BRD3OS: variants seen among roughly 807,000 people sequenced by gnomAD.
BRD3OS encodes the protein uncharacterized protein BRD3OS.
rs1339462768 is a variant in BRD3OS at position 134,029,699 on chromosome 9, A to AT, written c.*2701dup. The stretch of plus-strand genomic sequence containing the variant: ...CTCACTATGAAAATCTGCTTTTGGG[A>AT]TTTTATTTGCATTTCCATTAGACTG... On this transcript the variant is annotated 3_prime_UTR_variant, in exon 3 of 3. Transcript: ENST00000603928. 4 of 152,146 alleles carry AT rather than the reference A, an allele frequency of 2.6e-5. No homozygotes were observed. The highest frequency in any genetic ancestry group is 9.7e-5 in the African/African-American group (4 of 41,426). The allele number at this position is 152,146 out of a possible 1,614,324, so 9.4% of individuals were successfully genotyped here. A position where few individuals can be genotyped will look rare whatever the true frequency, so the allele number is the denominator to read the frequency against.
Position 134,030,979 on chromosome 9 carries a change from G to A in BRD3OS, c.*3977G>A. 4.3e-6 allele frequency: 1 copy of A among 231,078 alleles called. No individual in the cohort carries two copies. Among genetic ancestry groups the A allele is most frequent in the Non-Finnish European group, 8.6e-6 (1 of 116,620 alleles). 14.3% of individuals were successfully genotyped at this position (231,078 alleles called of 1,614,324 possible). On this transcript the variant is annotated 3_prime_UTR_variant, in exon 3 of 3. Transcript: ENST00000603928. Reference sequence around the variant, plus strand: ...TGAATCACCGCAGCCTTCTAATACAGAAGAAACGGACGTGACTGTCACCCT... The same window carrying A: ...TGAATCACCGCAGCCTTCTAATACAAAAGAAACGGACGTGACTGTCACCCT...
Position 134,031,351 on chromosome 9 carries a change from C to T in BRD3OS, c.*4349C>T, listed in dbSNP as rs1279929159. 2 of 208,220 alleles carry T rather than the reference C, an allele frequency of 9.6e-6. No individual in the cohort carries two copies. Among genetic ancestry groups the T allele is most frequent in the Non-Finnish European group, 2.0e-5 (2 of 102,168 alleles). The allele number at this position is 208,220 out of a possible 1,614,324, so 12.9% of individuals were successfully genotyped here. Reference sequence around the variant, plus strand: ...GGAGCGCCCCCCAGCCCCAGGCACCCCCGGCTTAGGGTGTACGTATCACCC... The same window carrying T: ...GGAGCGCCCCCCAGCCCCAGGCACCTCCGGCTTAGGGTGTACGTATCACCC... On this transcript the variant is annotated 3_prime_UTR_variant, in exon 3 of 3. Coordinates refer to ENST00000603928, the MANE Select transcript of BRD3OS (RefSeq NM_001355256.2).
Position 134,028,361 on chromosome 9 carries a change from GC to G in BRD3OS, c.*1360del, listed in dbSNP as rs1843458213. On this transcript the variant is annotated 3_prime_UTR_variant, in exon 3 of 3. Transcript: ENST00000603928. ...TCTTGTATCCGCCATTTTCTTTCTTGCTCAACTGTACAGACTGGGCATTCAC... is the reference window on the plus strand; with the variant it reads ...TCTTGTATCCGCCATTTTCTTTCTTGTCAACTGTACAGACTGGGCATTCAC... 1 of 152,148 alleles carries G rather than the reference GC, an allele frequency of 6.6e-6. No individual in the cohort carries two copies. Among genetic ancestry groups the G allele is most frequent in the African/African-American group, 2.4e-5 (1 of 41,406 alleles). The allele number at this position is 152,148 out of a possible 1,614,324, so 9.4% of individuals were successfully genotyped here. A position where few individuals can be genotyped will look rare whatever the true frequency, so the allele number is the denominator to read the frequency against.
At position 134,026,514 on chromosome 9, in the gene BRD3OS, C is replaced by T. The variant is rs1843430728; in HGVS notation, c.-234C>T. On this transcript the variant is annotated 5_prime_UTR_variant, in exon 3 of 3. Transcript: ENST00000603928. The surrounding 1 kb of genome is among the most constrained non-coding windows in gnomAD (Gnocchi z 4.4). ...GCCGGGCGCCGCTCTGACCTGTGTG[C>T]GGTCCCCTGAATGGGTCTCAGGTGT... 3.0e-6 allele frequency: 1 copy of T among 337,096 alleles called. No homozygotes were observed. Among genetic ancestry groups the T allele is most frequent in the Non-Finnish European group, 5.3e-6 (1 of 187,022 alleles). 20.9% of individuals were successfully genotyped at this position (337,096 alleles called of 1,614,324 possible). A position where few individuals can be genotyped will look rare whatever the true frequency, so the allele number is the denominator to read the frequency against.
chr9:134,030,943 G>A lies in BRD3OS; in HGVS notation c.*3941G>A, dbSNP rs1843502921. On this transcript the variant is annotated 3_prime_UTR_variant, in exon 3 of 3. Coordinates refer to ENST00000603928, the MANE Select transcript of BRD3OS (RefSeq NM_001355256.2). ...GCTGCCCTACAGGTCTCAGCAGTGG[G>A]ACAATCTAATTGAATCACCGCAGCC... is the stretch of plus-strand genomic sequence containing the variant. 1 of 231,554 alleles carries A rather than the reference G, an allele frequency of 4.3e-6. No individual in the cohort carries two copies. The highest frequency in any genetic ancestry group is 8.5e-6 in the Non-Finnish European group (1 of 116,984). 14.3% of individuals were successfully genotyped at this position (231,554 alleles called of 1,614,324 possible).
rs1843466929 is a variant in BRD3OS at position 134,028,730 on chromosome 9, G to T, written c.*1728G>T. 1 of 152,286 alleles carries T rather than the reference G, an allele frequency of 6.6e-6. No homozygotes were observed. The highest frequency in any genetic ancestry group is 2.1e-4 in the South Asian group (1 of 4,832). 9.4% of individuals were successfully genotyped at this position (152,286 alleles called of 1,614,324 possible). ...CCTCTGACTCGCAGCTCTCCCGTGA[G>T]CCCACAGACGGGCACAGTGACAGCA... On this transcript the variant is annotated 3_prime_UTR_variant, in exon 3 of 3. Transcript: ENST00000603928.
At position 134,026,620 on chromosome 9, in the gene BRD3OS, AT is replaced by A. The variant is rs1564542546; in HGVS notation, c.-125del. On this transcript the variant is annotated 5_prime_UTR_variant, in exon 3 of 3. An upstream open reading frame in the 5' UTR gains an earlier in-frame stop. Coordinates refer to ENST00000603928, the MANE Select transcript of BRD3OS (RefSeq NM_001355256.2). This position sits in a 1 kb window ranked among gnomAD's most constrained non-coding sequence, Gnocchi z 4.4. ...TGCCTGCAAATGGGCGGAATTCCTA[AT>A]TTCTACCATTCAGTTAAACGAGGGA... The A allele has an allele frequency of 1.3e-5, 5 of 396,528 alleles. No individual in the cohort carries two copies. The East Asian group carries it at 1.8e-4, about 14-fold the overall frequency. The allele number at this position is 396,528 out of a possible 1,614,324, so 24.6% of individuals were successfully genotyped here.
rs1214984322 is a variant in BRD3OS, at chr9:134,031,562, CTT to C, written c.*4561_*4562del. 2.4e-5 allele frequency: 5 copies of C among 204,792 alleles called. No homozygotes were observed. The highest frequency in any genetic ancestry group is 6.9e-5 in the African/African-American group (3 of 43,678). The allele number at this position is 204,792 out of a possible 1,614,324, so 12.7% of individuals were successfully genotyped here. On this transcript the variant is annotated 3_prime_UTR_variant, in exon 3 of 3. Transcript: ENST00000603928. The stretch of plus-strand genomic sequence containing the variant: ...ATTTATATTTTTATTATAAACAAAA[CTT>C]AATTAAAAGTTTAACAAACTGGCTG...
chr9:134,028,801 ACT>A lies in BRD3OS; in HGVS notation c.*1802_*1803del, dbSNP rs1377353749. 2 of 152,238 alleles carry A rather than the reference ACT, an allele frequency of 1.3e-5. No individual in the cohort carries two copies. Among genetic ancestry groups the A allele is most frequent in the Non-Finnish European group, 2.9e-5 (2 of 68,046 alleles). The allele number at this position is 152,238 out of a possible 1,614,324, so 9.4% of individuals were successfully genotyped here. ...AACAGCATGTTCTGAATGTGCCTGT[ACT>A]CTGTTCGTGCTTCTCTTTGCAGCTG... On this transcript the variant is annotated 3_prime_UTR_variant, in exon 3 of 3. Coordinates refer to ENST00000603928, the MANE Select transcript of BRD3OS (RefSeq NM_001355256.2).
rs1009297848 is a variant in BRD3OS at position 134,028,969 on chromosome 9, C to G, written c.*1967C>G. 2 of 152,272 alleles carry G rather than the reference C, an allele frequency of 1.3e-5. No individual in the cohort carries two copies. The highest frequency in any genetic ancestry group is 2.9e-5 in the Non-Finnish European group (2 of 68,062). The allele number at this position is 152,272 out of a possible 1,614,324, so 9.4% of individuals were successfully genotyped here. ...TGCGAGAGTCCTGGCTTGTTTGCAG[C>G]CTGCAGCTGGGAGATTTGAAGTCAG... On this transcript the variant is annotated 3_prime_UTR_variant, in exon 3 of 3. Coordinates refer to ENST00000603928, the MANE Select transcript of BRD3OS (RefSeq NM_001355256.2).
rs977048514 is a variant in BRD3OS, at chr9:134,025,932, G to C, written c.-699G>C. 2 of 152,242 alleles carry C rather than the reference G, an allele frequency of 1.3e-5. No individual in the cohort carries two copies. The highest frequency in any genetic ancestry group is 1.9e-4 in the East Asian group (1 of 5,184). The allele number at this position is 152,242 out of a possible 1,614,324, so 9.4% of individuals were successfully genotyped here. ...GGGGCTGACGCCTGGCGGCGTCTCC[G>C]GGAACCCGCGCCCTTTCAAGCGCCG... is the stretch of plus-strand genomic sequence containing the variant. On this transcript the variant is annotated 5_prime_UTR_variant, in exon 2 of 3. Transcript: ENST00000603928.
At position 134,025,482 on chromosome 9, in the gene BRD3OS, G is replaced by A. The variant is rs1353242061; in HGVS notation, c.-841G>A. ...CCCAGCGGCCGCCGGCCCCGCCCTG[G>A]GAGCCCCGCAGTGCGTCGCGCCGCT... On this transcript the variant is annotated 5_prime_UTR_variant, in exon 1 of 3. Transcript: ENST00000603928. 1 of 152,002 alleles carries A rather than the reference G, an allele frequency of 6.6e-6. No homozygotes were observed. Among genetic ancestry groups the A allele is most frequent in the African/African-American group, 2.4e-5 (1 of 41,388 alleles). 9.4% of individuals were successfully genotyped at this position (152,002 alleles called of 1,614,324 possible).
rs1843429423 is a variant in BRD3OS, at chr9:134,026,393, A to C, written c.-355A>C. The stretch of plus-strand genomic sequence containing the variant: ...CTCAGGGCACTGGATCCATCTCTTC[A>C]AGCTCAGTGGTCCAGGCCATGGTGG... On this transcript the variant is annotated 5_prime_UTR_variant, in exon 3 of 3. Transcript: ENST00000603928. This position sits in a 1 kb window ranked among gnomAD's most constrained non-coding sequence, Gnocchi z 4.4. 5.9e-6 allele frequency: 1 copy of C among 169,518 alleles called. No individual in the cohort carries two copies. Among genetic ancestry groups the C allele is most frequent in the East Asian group, 1.6e-4 (1 of 6,256 alleles). The allele number at this position is 169,518 out of a possible 1,614,324, so 10.5% of individuals were successfully genotyped here. A position where few individuals can be genotyped will look rare whatever the true frequency, so the allele number is the denominator to read the frequency against.
rs1415000707 is a variant in BRD3OS at position 134,027,476 on chromosome 9, ACT to A, written c.*477_*478del. 7 of 152,196 alleles carry A rather than the reference ACT, an allele frequency of 4.6e-5. No individual in the cohort carries two copies. Among genetic ancestry groups the A allele is most frequent in the African/African-American group, 1.7e-4 (7 of 41,498 alleles). 9.4% of individuals were successfully genotyped at this position (152,196 alleles called of 1,614,324 possible). ...TTTTGCTTTTTTGAGACGGGGTCTC[ACT>A]CTGTTACCCAGGCTGGAATACAGTG... On this transcript the variant is annotated 3_prime_UTR_variant, in exon 3 of 3. Coordinates refer to ENST00000603928, the MANE Select transcript of BRD3OS (RefSeq NM_001355256.2).
rs1843454372 is a variant in BRD3OS at position 134,028,074 on chromosome 9, T to C, written c.*1072T>C. ...TCTCTTGTCAAAGCTAATTTTTCTT[T>C]TCTAAATAAACATCCTTTAATACAC... On this transcript the variant is annotated 3_prime_UTR_variant, in exon 3 of 3. Coordinates refer to ENST00000603928, the MANE Select transcript of BRD3OS (RefSeq NM_001355256.2). The C allele has an allele frequency of 6.6e-6, 1 of 152,252 alleles. No homozygotes were observed. The highest frequency in any genetic ancestry group is 2.4e-5 in the African/African-American group (1 of 41,460). 9.4% of individuals were successfully genotyped at this position (152,252 alleles called of 1,614,324 possible). A position where few individuals can be genotyped will look rare whatever the true frequency, so the allele number is the denominator to read the frequency against.
chr9:134,030,737 A>G lies in BRD3OS; in HGVS notation c.*3735A>G, dbSNP rs1465406988. On this transcript the variant is annotated 3_prime_UTR_variant, in exon 3 of 3. Coordinates refer to ENST00000603928, the MANE Select transcript of BRD3OS (RefSeq NM_001355256.2). ...ACAACAACAAAAACAAACACACAAA[A>G]AAATGTGTCTTACAGTTTGTAAGCA... The G allele has an allele frequency of 8.6e-6, 2 of 231,982 alleles. No individual in the cohort carries two copies. The highest frequency in any genetic ancestry group is 1.7e-5 in the Non-Finnish European group (2 of 117,312). The allele number at this position is 231,982 out of a possible 1,614,324, so 14.4% of individuals were successfully genotyped here.
At position 134,030,166 on chromosome 9, in the gene BRD3OS, GT is replaced by G. The variant is rs1369949762; in HGVS notation, c.*3165del. On this transcript the variant is annotated 3_prime_UTR_variant, in exon 3 of 3. Coordinates refer to ENST00000603928, the MANE Select transcript of BRD3OS (RefSeq NM_001355256.2). Reference sequence around the variant, plus strand: ...TTTGCCAAGAGTTACAGGATGTCAAGTGTGGGGAGCTCAGCACCCTTGCTGT... The same window carrying G: ...TTTGCCAAGAGTTACAGGATGTCAAGGTGGGGAGCTCAGCACCCTTGCTGT... The G allele has an allele frequency of 6.5e-6, 1 of 153,890 alleles. No individual in the cohort carries two copies. Among genetic ancestry groups the G allele is most frequent in the African/African-American group, 2.4e-5 (1 of 41,422 alleles). 9.5% of individuals were successfully genotyped at this position (153,890 alleles called of 1,614,324 possible). A position where few individuals can be genotyped will look rare whatever the true frequency, so the allele number is the denominator to read the frequency against.
In BRD3OS at chr9:134,026,531, C is replaced by A. The variant is rs76785226; in HGVS notation, c.-217C>A. ...CCTGTGTGCGGTCCCCTGAATGGGT[C>A]TCAGGTGTCTTCAGAATGGTGAGGC... On this transcript the variant is annotated 5_prime_UTR_variant, in exon 3 of 3. Coordinates refer to ENST00000603928, the MANE Select transcript of BRD3OS (RefSeq NM_001355256.2). The surrounding 1 kb of genome is among the most constrained non-coding windows in gnomAD (Gnocchi z 4.4). 1.9e-3 allele frequency: 704 copies of A among 361,248 alleles called. 4 individuals are homozygous for A. Among genetic ancestry groups the A allele is most frequent in the African/African-American group, 0.013 (646 of 48,060 alleles). 22.4% of individuals were successfully genotyped at this position (361,248 alleles called of 1,614,324 possible).
chr9:134,029,817 C>T lies in BRD3OS; in HGVS notation c.*2815C>T, dbSNP rs545527826. 7 of 152,314 alleles carry T rather than the reference C, an allele frequency of 4.6e-5. No homozygotes were observed. Among genetic ancestry groups the T allele is most frequent in the African/African-American group, 1.7e-4 (7 of 41,550 alleles). 9.4% of individuals were successfully genotyped at this position (152,314 alleles called of 1,614,324 possible). On this transcript the variant is annotated 3_prime_UTR_variant, in exon 3 of 3. Transcript: ENST00000603928. ...AGAAGAGCACAGAACCTGGCTGTCT[C>T]GAAGAGGGCAGCTTGTTCCAGGGAA...
Sources: allele counts gnomAD v4.1 joint callset, GRCh38; gene constraint gnomAD v4.1.1; non-coding constraint Gnocchi (gnomAD v3.1); transcripts MANE v1.5; gene names NCBI Gene and HGNC (gene_info 2026-07-23, HGNC 2026-07-21).